The following AGBL4 variants were observed in gnomAD, a reference collection of about 807,000 sequenced individuals.
AGBL4 encodes the protein cytosolic carboxypeptidase 6.
Under a neutral mutation model 66.4 loss-of-function variants are expected in AGBL4, and 58 were observed. That is an observed-to-expected ratio of 0.87 (90% CI 0.71 to 1.09). The LOEUF is 1.09. AGBL4 is among the 50% of genes least tolerant of loss of function. The probability of loss-of-function intolerance (pLI) is 0.00; values close to 1 mark genes in which losing one functional copy is unlikely to be tolerated. For synonymous variants in AGBL4, 234 were observed against 222.9 expected, an observed-to-expected ratio of 1.05 and a Z score of -0.44; for missense variants, 579 against 631.0, an observed-to-expected ratio of 0.92 and a Z score of 0.88.
chr1:49,089,370 A>G (rs1644962643), intron 4 of AGBL4, among the ~76,000 whole-genome samples: 1 of 151,990 alleles, frequency 6.6e-6, no homozygotes, highest in South Asian at 2.1e-4. Flanking sequence ...TAGACTAATA[A>G]AGAAAAAAGA....
intron 6 of AGBL4, among the ~76,000 whole-genome samples, chr1:48,700,941 A>G (rs1472233244): frequency 2.0e-5 from 3 of 152,112 alleles, no homozygotes; most frequent in Non-Finnish European, 1.5e-5. Flanking sequence ...CTCCCACCCC[A>G]ACGAGAACAC....
chr1:49,904,543 TA>T (rs937552750), intron 1 of AGBL4, among the ~76,000 whole-genome samples: 8 of 152,150 alleles, frequency 5.3e-5, no homozygotes, highest in African/African-American at 1.9e-4. Flanking sequence ...TGAGCTCTTT[TA>T]AAAAGGGTTA....
At chr1:49,891,683 C>A (rs1055160828) in intron 1 of AGBL4, among the ~76,000 whole-genome samples, 4 of 152,076 alleles carry the variant, frequency 2.6e-5, no homozygotes, top group African/African-American at 9.7e-5. Context: ...AACTTGCAAT[C>A]CAAAGGCTAG....
chr1:49,395,833 A>ATATATATGTG (rs1644959036), intron 3 of AGBL4, among the ~76,000 whole-genome samples: 1 of 72,962 alleles, frequency 1.4e-5, no homozygotes, highest in Non-Finnish European at 2.7e-5. Flanking sequence ...ATATATGTGT[A>ATATATATGTG]TATATATATA....
chr1:48,795,491 C>T (rs7523675), intron 6 of AGBL4, among the ~76,000 whole-genome samples: 10,503 of 151,742 alleles, frequency 0.069, 469 homozygotes, highest in East Asian at 0.16. Flanking sequence ...TAAGAATAAT[C>T]GAGAGTTATC....
At chr1:49,765,817 A>G (rs1056530659) in intron 2 of AGBL4, among the ~76,000 whole-genome samples, 14 of 152,222 alleles carry the variant, frequency 9.2e-5, no homozygotes, top group Non-Finnish European at 1.5e-4. Flanking sequence ...TTATCAATAG[A>G]TGAGATCAAG....
At chr1:49,382,625 C>T (rs1017520830) in intron 3 of AGBL4, among the ~76,000 whole-genome samples, 9 of 152,058 alleles carry the variant, frequency 5.9e-5, no homozygotes, top group African/African-American at 2.2e-4. Context: ...CTACTCTTGC[C>T]ACTTCTATTC....
At chr1:49,701,222 G>A (rs371139326) in intron 2 of AGBL4, among the ~76,000 whole-genome samples, 1 of 152,082 alleles carries the variant, frequency 6.6e-6, no homozygotes, top group Admixed American at 6.6e-5. Context: ...CACCTAGGAG[G>A]TGGAGGATGT....
At chr1:49,433,648 C>T (rs1367553108) in intron 3 of AGBL4, among the ~76,000 whole-genome samples, 3 of 152,128 alleles carry the variant, frequency 2.0e-5, no homozygotes, top group Non-Finnish European at 4.4e-5. Context: ...TGGTATATGT[C>T]ACTGGAAGGA....
chr1:49,657,749 C>A (rs1315739466), intron 3 of AGBL4, among the ~76,000 whole-genome samples: 2 of 152,116 alleles, frequency 1.3e-5, no homozygotes, highest in South Asian at 4.1e-4. Context: ...CAAAGACAAG[C>A]AATGGGGAAA....
intron 3 of AGBL4, among the ~76,000 whole-genome samples, chr1:49,466,974 A>T (rs1341406008): frequency 6.6e-6 from 1 of 151,852 alleles, no homozygotes; most frequent in African/African-American, 2.4e-5. Context: ...CAGAGAAAAA[A>T]ATCTGATGAC....
At chr1:49,251,798 C>T (rs113275221) in intron 3 of AGBL4, among the ~76,000 whole-genome samples, 25 of 152,258 alleles carry the variant, frequency 1.6e-4, no homozygotes, top group Non-Finnish European at 2.9e-4. Context: ...AGCACACAGT[C>T]CAGGAGTTGG....
chr1:48,723,765 C>T (rs1283224663), intron 6 of AGBL4, among the ~76,000 whole-genome samples: 1 of 152,070 alleles, frequency 6.6e-6, no homozygotes, highest in Non-Finnish European at 1.5e-5. Flanking sequence ...GTGGTCACAC[C>T]CATTATATAT....
At chr1:49,811,458 AC>A (rs1645101747) in intron 2 of AGBL4, among the ~76,000 whole-genome samples, 1 of 152,154 alleles carries the variant, frequency 6.6e-6, no homozygotes, top group Non-Finnish European at 1.5e-5. Context: ...AATTTTTGTT[AC>A]TTAGACTTTA....
intron 4 of AGBL4, among the ~76,000 whole-genome samples, chr1:49,110,885 G>T (rs1269095509): frequency 6.6e-6 from 1 of 151,924 alleles, no homozygotes; most frequent in African/African-American, 2.4e-5. Flanking sequence ...TTTTATGTGG[G>T]CCTCTTCTCT....
chr1:48,946,075 TATTGAAA>T (rs2148921354), intron 5 of AGBL4, among the ~76,000 whole-genome samples: 1 of 152,344 alleles, frequency 6.6e-6, no homozygotes, highest in East Asian at 1.9e-4. Context: ...TTCTCTTCCC[TATTGAAA>T]TTGAGCCTTC....
At chr1:49,390,253 A>G (rs908855809) in intron 3 of AGBL4, among the ~76,000 whole-genome samples, 1 of 152,244 alleles carries the variant, frequency 6.6e-6, no homozygotes, top group Non-Finnish European at 1.5e-5. Context: ...TCTGTCCACT[A>G]TGCTGTTAAA....
chr1:49,017,256 T>C (rs1212184043), intron 5 of AGBL4, among the ~76,000 whole-genome samples: 1 of 152,122 alleles, frequency 6.6e-6, no homozygotes, highest in Non-Finnish European at 1.5e-5. Context: ...GAACATCAGA[T>C]TGCAAAACCT....
chr1:49,057,521 A>G (rs1477784563), intron 4 of AGBL4, among the ~76,000 whole-genome samples: 9 of 152,228 alleles, frequency 5.9e-5, no homozygotes. Flanking sequence ...ACTCTTTAAC[A>G]TGACTTTTTT....
Sources: allele counts gnomAD v4.1 joint callset (sites outside exome capture counted in the v4.1 genomes callset), GRCh38; gene constraint gnomAD v4.1.1; transcripts MANE v1.5; gene names NCBI Gene and HGNC (gene_info 2026-07-23, HGNC 2026-07-21).